Variants in C5 observed in about 807,000 individuals in gnomAD.
C5 encodes C3 and PZP-like alpha-2-macroglobulin domain-containing protein 4.
Under a neutral mutation model 218.8 loss-of-function variants are expected in C5, and 140 were observed. That is an observed-to-expected ratio of 0.64 (90% CI 0.56 to 0.74). C5 has a LOEUF of 0.74. Among genes scored for constraint, C5 ranks in the 30% least tolerant of loss-of-function variants. The probability of loss-of-function intolerance (pLI) is 0.00; values close to 1 mark genes in which losing one functional copy is unlikely to be tolerated. For missense variants in C5, 1,700 were observed against 1,969.6 expected (o/e 0.86, Z 2.59); for synonymous variants, 614 against 682.3 (o/e 0.90, Z 1.56).
At chr9:120,990,422 GTA>G (rs2047068457) in intron 23 of C5, among the ~76,000 whole-genome samples, 1 of 152,222 alleles carries the variant, frequency 6.6e-6, no homozygotes, top group Non-Finnish European at 1.5e-5. Context: ...TGGTTTGAAT[GTA>G]TATGTCTCTC....
chr9:121,011,038 A>G (rs936914130), intron 17 of C5, among the ~76,000 whole-genome samples: 1 of 152,216 alleles, frequency 6.6e-6, no homozygotes, highest in African/African-American at 2.4e-5. Context: ...CTATAGGAAA[A>G]CACTGGGAAA....
intron 12 of C5, among the ~76,000 whole-genome samples, chr9:121,018,146 G>A (rs918152014): frequency 6.0e-5 from 9 of 151,180 alleles, no homozygotes; most frequent in Non-Finnish European, 1.2e-4. Context: ...ACACCTACTC[G>A]GGAGGCTGAG....
chr9:121,014,154 T>G, intron 16 of C5, 84 bp from the exon 17 acceptor site: 8 of 1,213,460 alleles, frequency 6.6e-6, no homozygotes, highest in South Asian at 1.2e-5. Flanking sequence ...GGATACCTGG[T>G]TTCTGTTGCT....
intron 12 of C5, among the ~76,000 whole-genome samples, chr9:121,019,051 C>T (rs35948313): frequency 0.11 from 16,110 of 151,132 alleles, 915 homozygotes; most frequent in African/African-American, 0.14. Flanking sequence ...TTTGTTTCAC[C>T]GATTAAAAAA....
At position 121,045,328 on chromosome 9, in the gene C5, C is replaced by A. The variant is rs573419392; in HGVS notation, c.258+863G>T. On this transcript the variant is annotated intron_variant, in intron 2 of 40. Transcript: ENST00000223642. ...AGCATTGGCTTTTTATTATTTATAA[C>A]ATAATCAAAATAATTTTTGATACAA... Among the ~76,000 whole-genome samples, 10 of 152,088 alleles carry A rather than the reference C, an allele frequency of 6.6e-5. No homozygotes were observed. The South Asian group carries it at 2.1e-3, about 32-fold the overall frequency.
At chr9:121,070,384 G>GATAT in the C5 span, among the ~76,000 whole-genome samples, 2,652 of 72,082 alleles carry the variant, frequency 0.037, 28 homozygotes, top group Non-Finnish European at 0.039. Flanking sequence ...AAGGAAGGGT[G>GATAT]ATATATATAT....
At chr9:121,048,165 A>G (rs2047643599) in intron 1 of C5, among the ~76,000 whole-genome samples, 2 of 152,272 alleles carry the variant, frequency 1.3e-5, no homozygotes, top group Admixed American at 1.3e-4. Context: ...ATTTAGGGAT[A>G]TAAAGCTACT....
chr9:120,988,971 G>T, intron 25 of C5, 75 bp downstream of exon 25: 1 of 1,075,552 alleles, frequency 9.3e-7, no homozygotes, highest in South Asian at 1.2e-5. Flanking sequence ...TGGAGGAATG[G>T]AGTTTCCATT....
At chr9:120,966,267 T>C (rs2046867252) in intron 33 of C5, among the ~76,000 whole-genome samples, 1 of 152,258 alleles carries the variant, frequency 6.6e-6, no homozygotes, top group Non-Finnish European at 1.5e-5. Flanking sequence ...TGCTTTCTTT[T>C]GTATATTGAT....
intron 26 of C5, among the ~76,000 whole-genome samples, chr9:120,982,243 C>A (rs2046999897): frequency 6.6e-6 from 1 of 152,220 alleles, no homozygotes; most frequent in Non-Finnish European, 1.5e-5. Context: ...AACTCCTGAC[C>A]TCATGATCCG....
chr9:121,028,536 C>T (rs1220066575), intron 7 of C5, among the ~76,000 whole-genome samples: 1 of 152,148 alleles, frequency 6.6e-6, no homozygotes. Context: ...GAGTTCATGT[C>T]CTTTGCAGGG....
chr9:121,044,441 C>T (rs1462101943), intron 2 of C5, among the ~76,000 whole-genome samples: 2 of 152,102 alleles, frequency 1.3e-5, no homozygotes, highest in African/African-American at 4.8e-5. Context: ...ACACCACTGT[C>T]TTCCAGCCTG....
upstream of C5, among the ~76,000 whole-genome samples, chr9:121,054,130 C>T (rs2047686572): frequency 6.6e-6 from 1 of 152,068 alleles, no homozygotes; most frequent in African/African-American, 2.4e-5. Context: ...CCTTGTTATA[C>T]CCCCTCCCTT....
chr9:121,025,456 G>A lies in C5; in HGVS notation c.998C>T (p.Thr333Ile). 1 of 1,278,690 alleles carries A rather than the reference G, an allele frequency of 7.8e-7. No homozygotes were observed. The highest frequency in any genetic ancestry group is 1.3e-5 in the South Asian group (1 of 75,820). The allele number at this position is 1,278,690 out of a possible 1,614,324, so 79.2% of individuals were successfully genotyped here. ...LYIAVTVIES[T>I]GGFSEEAEIP... Reference sequence around the variant, plus strand: ...CACACACACACACACACACTTACCTGTAGACTCTATGACTGTTACAGCAAT... The same window carrying A: ...CACACACACACACACACACTTACCTATAGACTCTATGACTGTTACAGCAAT... The change falls in exon 9 of 41, where the codon ACA (threonine) becomes ATA (isoleucine). Residue 333 changes from threonine to isoleucine, a missense_variant and splice_region_variant. Thr to Ile is a moderately conservative substitution (Grantham distance 89). Coordinates refer to ENST00000223642, the MANE Select transcript of C5 (RefSeq NM_001735.3).
intron 33 of C5, among the ~76,000 whole-genome samples, chr9:120,964,756 T>C (rs2046854181): frequency 6.6e-6 from 1 of 152,236 alleles, no homozygotes; most frequent in African/African-American, 2.4e-5. Context: ...ACTTGGGTTT[T>C]ATTCCAGTTC....
At chr9:120,998,970 C>A (rs1242711805) in intron 20 of C5, among the ~76,000 whole-genome samples, 2 of 152,172 alleles carry the variant, frequency 1.3e-5, no homozygotes, top group East Asian at 1.9e-4. Context: ...TGGGAGACAA[C>A]CACCAGGGTG....
upstream of C5, among the ~76,000 whole-genome samples, chr9:121,052,448 T>C (rs1203727181): frequency 7.7e-6 from 1 of 130,360 alleles, no homozygotes; most frequent in African/African-American, 3.0e-5. Flanking sequence ...CCAGACTCCA[T>C]CTCAGAAAAA....
chr9:120,997,852 G>C, intron 20 of C5, 78 bp from the exon 21 acceptor site: 1 of 1,212,306 alleles, frequency 8.2e-7, no homozygotes, highest in Non-Finnish European at 1.2e-6. Flanking sequence ...GCCCAGGCTG[G>C]AGTGCAGCGG....
chr9:121,048,705 T>A (rs2300938), intron 1 of C5, among the ~76,000 whole-genome samples: 19,689 of 152,092 alleles, frequency 0.13, 1,717 homozygotes, highest in African/African-American at 0.24. Flanking sequence ...AGTAGCATAA[T>A]CTATCCATAT....
Sources: allele counts gnomAD v4.1 joint callset (sites outside exome capture counted in the v4.1 genomes callset), GRCh38; gene constraint gnomAD v4.1.1; transcripts MANE v1.5; gene names NCBI Gene and HGNC (gene_info 2026-07-23, HGNC 2026-07-21).